Variants in AUTS2 observed in about 807,000 individuals in gnomAD.
AUTS2 encodes the protein activator of transcription and developmental regulator AUTS2, also known as autism susceptibility gene 2 protein.
In AUTS2, 17 loss-of-function variants were observed where a neutral mutation model predicts 112.4. The observed-to-expected ratio is 0.15, with a 90% CI of 0.10 to 0.23. The LOEUF is 0.23. AUTS2 is among the 10% of genes least tolerant of loss of function. AUTS2 has a pLI of 1.00. For missense variants in AUTS2, 1,510 were observed against 1,701.6 expected, an observed-to-expected ratio of 0.89 and a Z score of 1.98; for synonymous variants, 751 against 702.7, an observed-to-expected ratio of 1.07 and a Z score of -1.09.
chr7:69,684,525 G>A (rs913887253), intron 1 of AUTS2, among the ~76,000 whole-genome samples: 2 of 152,172 alleles, frequency 1.3e-5, no homozygotes, highest in African/African-American at 4.8e-5. Flanking sequence ...GGCCCTGACT[G>A]TAGGGAAATG....
intron 1 of AUTS2, among the ~76,000 whole-genome samples, chr7:69,828,371 AT>A (rs1164426942): frequency 6.6e-6 from 1 of 152,194 alleles, no homozygotes; most frequent in African/African-American, 2.4e-5. Context: ...GGCAGTTGCC[AT>A]CTTTGAACCG....
chr7:70,788,951 T>G (rs779360517), intron 18 of AUTS2, among the ~76,000 whole-genome samples: 37 of 152,224 alleles, frequency 2.4e-4, no homozygotes, highest in Admixed American at 1.3e-4. Context: ...TGAGCCCCCA[T>G]CCAAGACAGG....
intron 1 of AUTS2, among the ~76,000 whole-genome samples, chr7:69,628,572 C>A (rs2129100408): frequency 6.6e-6 from 1 of 152,266 alleles, no homozygotes; most frequent in South Asian, 2.1e-4. Flanking sequence ...GCTCATCATT[C>A]CACAGGCTGT....
At chr7:70,746,959 C>T (rs1354959595) in intron 6 of AUTS2, among the ~76,000 whole-genome samples, 2 of 152,080 alleles carry the variant, frequency 1.3e-5, no homozygotes, top group African/African-American at 2.4e-5. Context: ...ACCCATGAAC[C>T]ACCAGTTAAT....
intron 1 of AUTS2, among the ~76,000 whole-genome samples, chr7:69,688,048 C>T (rs1350013942): frequency 1.3e-5 from 2 of 152,178 alleles, no homozygotes; most frequent in East Asian, 3.8e-4. Context: ...TAGCTGATAG[C>T]CTGTAACAGT....
At chr7:70,566,017 C>A (rs1801693472) in intron 5 of AUTS2, among the ~76,000 whole-genome samples, 1 of 152,182 alleles carries the variant, frequency 6.6e-6, no homozygotes, top group South Asian at 2.1e-4. Context: ...AGGAAGACGA[C>A]CGTGCTGCCA....
intron 4 of AUTS2, among the ~76,000 whole-genome samples, chr7:70,211,458 A>T (rs1004919264): frequency 1.4e-5 from 2 of 145,182 alleles, no homozygotes; most frequent in Non-Finnish European, 3.0e-5. Flanking sequence ...GACCATCCTG[A>T]TTAACATGGT....
At chr7:70,704,488 T>A (rs1310388024) in intron 6 of AUTS2, among the ~76,000 whole-genome samples, 4 of 152,242 alleles carry the variant, frequency 2.6e-5, no homozygotes, top group African/African-American at 9.6e-5. Context: ...TTGAAAGAGT[T>A]TTCTCTATCC....
chr7:70,451,098 G>A (rs541230800), intron 5 of AUTS2, among the ~76,000 whole-genome samples: 8 of 152,278 alleles, frequency 5.3e-5, no homozygotes, highest in African/African-American at 1.4e-4. Context: ...CAGAGATGGA[G>A]CTATAGGGGA....
At chr7:70,155,305 G>A (rs1294235268) in intron 4 of AUTS2, among the ~76,000 whole-genome samples, 2 of 152,116 alleles carry the variant, frequency 1.3e-5, no homozygotes, top group African/African-American at 4.8e-5. Flanking sequence ...GACAGTGCAA[G>A]GCTCCTAGGA....
intron 4 of AUTS2, among the ~76,000 whole-genome samples, chr7:70,281,105 A>G (rs1788194895): frequency 6.6e-6 from 1 of 152,208 alleles, no homozygotes; most frequent in African/African-American, 2.4e-5. Flanking sequence ...TATGAACTTT[A>G]TGGATATCGG....
chr7:69,798,612 G>A (rs1262857332), intron 1 of AUTS2, among the ~76,000 whole-genome samples: 1 of 152,152 alleles, frequency 6.6e-6, no homozygotes, highest in Admixed American at 6.5e-5. Flanking sequence ...AGTTAAAAAT[G>A]TGGAGAAAAG....
intron 5 of AUTS2, among the ~76,000 whole-genome samples, chr7:70,494,795 C>T (rs957711589): frequency 6.6e-6 from 1 of 152,120 alleles, no homozygotes; most frequent in African/African-American, 2.4e-5. Context: ...AGGTTGACAT[C>T]CCAGCCCAAA....
rs114052472 is a variant in AUTS2, at chr7:70,630,461, G to C, written c.691-68108G>C. Among the ~76,000 whole-genome samples, 496 of 152,312 alleles carry C rather than the reference G, an allele frequency of 3.3e-3. 5 individuals carry two copies. Among genetic ancestry groups the C allele is most frequent in the African/African-American group, 0.011 (467 of 41,564 alleles). On this transcript the variant is annotated intron_variant, in intron 5 of 18. Coordinates refer to ENST00000342771, the MANE Select transcript of AUTS2 (RefSeq NM_015570.4). ...TGTGTTCTCGGCTCCCGTGAACGGG[G>C]CCTGTCACTTTAACTGGTTTCTTCT...
At chr7:70,378,271 T>G (rs1039973798) in intron 4 of AUTS2, among the ~76,000 whole-genome samples, 8 of 152,270 alleles carry the variant, frequency 5.3e-5, no homozygotes, top group Non-Finnish European at 1.0e-4. Flanking sequence ...TGCTTTAATT[T>G]CTTTTATGCA....
At chr7:69,995,961 C>A (rs1038638413) in intron 2 of AUTS2, among the ~76,000 whole-genome samples, 1 of 152,194 alleles carries the variant, frequency 6.6e-6, no homozygotes, top group Non-Finnish European at 1.5e-5. Context: ...TGCGAGTCGG[C>A]AGCCCACTTT....
intron 2 of AUTS2, among the ~76,000 whole-genome samples, chr7:69,994,500 G>A (rs1265833418): frequency 1.3e-5 from 2 of 152,154 alleles, no homozygotes; most frequent in Non-Finnish European, 2.9e-5. Context: ...ATCTGTGTGT[G>A]TGTTTGTGTG....
intron 1 of AUTS2, among the ~76,000 whole-genome samples, chr7:69,617,655 C>T (rs1793450027): frequency 6.6e-6 from 1 of 152,156 alleles, no homozygotes; most frequent in Non-Finnish European, 1.5e-5. Flanking sequence ...TTGAATTTCC[C>T]CAAGGTCACC....
intron 5 of AUTS2, among the ~76,000 whole-genome samples, chr7:70,643,948 C>T (rs1050800637): frequency 3.1e-4 from 47 of 152,146 alleles, no homozygotes; most frequent in Non-Finnish European, 7.4e-5. Flanking sequence ...CTATGACGTC[C>T]TGGCTCGCCC....
Sources: allele counts gnomAD v4.1 joint callset (sites outside exome capture counted in the v4.1 genomes callset), GRCh38; gene constraint gnomAD v4.1.1; transcripts MANE v1.5; gene names NCBI Gene and HGNC (gene_info 2026-07-23, HGNC 2026-07-21).